Variants in RUNDC3B observed in about 807,000 individuals in gnomAD.
RUNDC3B encodes the protein RUN domain containing 3B.
RUNDC3B carries 33 observed loss-of-function variants against 58.4 expected under a neutral mutation model. The observed-to-expected ratio is 0.56, with a 90% confidence interval of 0.43 to 0.75. The LOEUF is 0.75. Ranked by LOEUF, RUNDC3B falls within the 30% of genes least tolerant of loss-of-function variation. The probability of loss-of-function intolerance (pLI) is 0.00; values close to 1 mark genes in which losing one functional copy is unlikely to be tolerated. For missense variants in RUNDC3B, 501 were observed against 535.7 expected (o/e 0.94, Z 0.64); for synonymous variants, 193 against 195.2 (o/e 0.99, Z 0.10).
rs959797753 is a variant in RUNDC3B, at chr7:87,644,177, G to A, written c.123-6645G>A. On this transcript the variant is annotated intron_variant, in intron 1 of 10. Coordinates refer to ENST00000394654, the MANE Select transcript of RUNDC3B (RefSeq NM_001134405.2). The stretch of plus-strand genomic sequence containing the variant: ...CCCAGACCTGCAAATTGTTGATTCT[G>A]AAAAATTCTCTGTGTTTCTGATGTA... Among the ~76,000 whole-genome samples, 14 of 152,320 alleles carry A rather than the reference G, an allele frequency of 9.2e-5. No individual in the cohort carries two copies. In the South Asian group the frequency reaches 2.7e-3, roughly 29 times the overall value.
intron 2 of RUNDC3B, among the ~76,000 whole-genome samples, chr7:87,680,318 C>T (rs1378862175): frequency 2.0e-5 from 3 of 150,588 alleles, no homozygotes; most frequent in Non-Finnish European, 4.4e-5. Context: ...GCTAATAACT[C>T]TTGGATCAAA....
chr7:87,825,248 T>C (rs2130973572), intron 10 of RUNDC3B, among the ~76,000 whole-genome samples: 1 of 151,984 alleles, frequency 6.6e-6, no homozygotes. Context: ...GAAAATACCA[T>C]TTTCTGAGGA....
At chr7:87,639,879 A>G (rs1024556174) in intron 1 of RUNDC3B, among the ~76,000 whole-genome samples, 1 of 151,864 alleles carries the variant, frequency 6.6e-6, no homozygotes, top group Non-Finnish European at 1.5e-5. Flanking sequence ...CATTTTAATT[A>G]ACGTTATTAC....
rs1182616155 is a variant in RUNDC3B, at chr7:87,832,285, T to A, written c.*2255T>A. The A allele has an allele frequency of 2.6e-5, 4 of 151,926 alleles. No homozygotes were observed. The highest frequency in any genetic ancestry group is 5.9e-5 in the Non-Finnish European group (4 of 67,904). 9.4% of individuals were successfully genotyped at this position (151,926 alleles called of 1,614,324 possible). On this transcript the variant is annotated 3_prime_UTR_variant, in exon 11 of 11. Coordinates refer to ENST00000394654, the MANE Select transcript of RUNDC3B (RefSeq NM_001134405.2). ...ATACTTGTTGCATGTATATTAAAAA[T>A]TTTGTACTATGCATTGGTGGTCTTA...
chr7:87,720,940 A>ATAGCTAATT (rs1830850524), intron 4 of RUNDC3B, among the ~76,000 whole-genome samples: 1 of 844 alleles, frequency 1.2e-3, no homozygotes, highest in African/African-American at 3.8e-3. Context: ...AATAGTTAAA[A>ATAGCTAATT]TTAGCTATTT....
At chr7:87,744,488 TC>T (rs1380804981) in intron 6 of RUNDC3B, among the ~76,000 whole-genome samples, 1 of 152,234 alleles carries the variant, frequency 6.6e-6, no homozygotes, top group African/African-American at 2.4e-5. Context: ...GTGATTTCTT[TC>T]AGCAGTGTTT....
At chr7:87,655,074 G>A (rs1439610916) in intron 2 of RUNDC3B, among the ~76,000 whole-genome samples, 3 of 152,082 alleles carry the variant, frequency 2.0e-5, no homozygotes, top group Admixed American at 1.3e-4. Context: ...AACCCTTGTA[G>A]TAGGAATGTA....
chr7:87,760,646 T>A (rs1260459840), intron 6 of RUNDC3B, among the ~76,000 whole-genome samples: 19 of 152,002 alleles, frequency 1.2e-4, no homozygotes. Context: ...ATCAACAGAA[T>A]TAAATTAAAA....
At position 87,682,005 on chromosome 7, in the gene RUNDC3B, C is replaced by T. The variant is rs551005538; in HGVS notation, c.239-18416C>T. On this transcript the variant is annotated intron_variant, in intron 2 of 10. Transcript: ENST00000394654. ...TCAAACCCTGCCACTGCTTTATCAA[C>T]TAAGTTCATTTAATATCTTAAATCT... Among the ~76,000 whole-genome samples, 3 of 152,354 alleles carry T rather than the reference C, an allele frequency of 2.0e-5. No individual in the cohort carries two copies. In the East Asian group the frequency reaches 5.8e-4, roughly 29 times the overall value.
chr7:87,795,684 C>T (rs1254751428), intron 8 of RUNDC3B, among the ~76,000 whole-genome samples: 5 of 151,242 alleles, frequency 3.3e-5, no homozygotes, highest in Admixed American at 3.3e-4. Flanking sequence ...TTGAGACCAG[C>T]CTGGCCAACA....
chr7:87,707,839 C>T (rs552770493), intron 3 of RUNDC3B, among the ~76,000 whole-genome samples: 17 of 151,944 alleles, frequency 1.1e-4, no homozygotes, highest in Non-Finnish European at 1.6e-4. Flanking sequence ...GTTCTCTAAC[C>T]ACAGTGGAAT....
chr7:87,639,599 T>A (rs1822224403), intron 1 of RUNDC3B, among the ~76,000 whole-genome samples: 1 of 152,192 alleles, frequency 6.6e-6, no homozygotes, highest in South Asian at 2.1e-4. Flanking sequence ...AGAATTGTGG[T>A]CTCTTCCTAG....
chr7:87,690,187 T>A (rs1827880423), intron 2 of RUNDC3B, among the ~76,000 whole-genome samples: 1 of 152,076 alleles, frequency 6.6e-6, no homozygotes. Flanking sequence ...ATATTTGATA[T>A]AATTTAAAAT....
intron 7 of RUNDC3B, among the ~76,000 whole-genome samples, chr7:87,776,991 GA>G (rs1179993207): frequency 2.0e-5 from 3 of 152,058 alleles, no homozygotes; most frequent in Admixed American, 1.3e-4. Context: ...AAACAGGAAA[GA>G]TTTTGAAAAT....
At chr7:87,772,488 T>G (rs1001236021) in intron 7 of RUNDC3B, among the ~76,000 whole-genome samples, 1 of 152,144 alleles carries the variant, frequency 6.6e-6, no homozygotes, top group African/African-American at 2.4e-5. Context: ...AATTAGAAAG[T>G]GATGAATTTT....
intron 2 of RUNDC3B, among the ~76,000 whole-genome samples, chr7:87,671,210 C>T (rs1165595112): frequency 6.6e-6 from 1 of 152,160 alleles, no homozygotes; most frequent in African/African-American, 2.4e-5. Context: ...GTACTGGCCT[C>T]CTCTCCTTGG....
At chr7:87,743,138 G>A (rs1434232954) in intron 6 of RUNDC3B, among the ~76,000 whole-genome samples, 2 of 151,776 alleles carry the variant, frequency 1.3e-5, no homozygotes, top group African/African-American at 2.4e-5. Flanking sequence ...GGGAACTAAG[G>A]TAGTTACATA....
rs904935841 is a variant in RUNDC3B, at chr7:87,743,474, A to G, written c.629+1895A>G. Among the ~76,000 whole-genome samples, 3 of 152,264 alleles carry G rather than the reference A, an allele frequency of 2.0e-5. No homozygotes were observed. The East Asian group carries it at 5.8e-4, about 29-fold the overall frequency. On this transcript the variant is annotated intron_variant, in intron 6 of 10. Transcript: ENST00000394654. ...CCCTGTTTGCTGCATCCACACCAAC[A>G]TCTACTGTTTTTTGATTTTTTTTAT... is the stretch of plus-strand genomic sequence containing the variant.
intron 8 of RUNDC3B, among the ~76,000 whole-genome samples, chr7:87,787,400 A>C (rs1835279877): frequency 6.6e-6 from 1 of 152,214 alleles, no homozygotes; most frequent in Non-Finnish European, 1.5e-5. Flanking sequence ...GATAGGTAGA[A>C]TATGAGGCAT....
Sources: gnomAD v4.1 joint callset for allele counts (sites outside exome capture counted in the v4.1 genomes callset) on GRCh38, gnomAD v4.1.1 for gene constraint, MANE v1.5 for transcripts, NCBI Gene and HGNC (gene_info 2026-07-23, HGNC 2026-07-21) for gene names.